SPINK7: variants seen among roughly 807,000 people sequenced by gnomAD.
SPINK7 encodes serine protease inhibitor Kazal-type 7.
SPINK7 carries 8 observed loss-of-function variants against 11.6 expected under a neutral mutation model. The ratio of observed to expected loss-of-function variants is 0.69; its 90% CI spans 0.41 to 1.25. SPINK7 has a LOEUF of 1.25. SPINK7 is among the 50% of genes most tolerant of loss of function. The pLI is 0.01. For synonymous variants in SPINK7, 38 were observed against 35.3 expected, an observed-to-expected ratio of 1.08 and a Z score of -0.27; for missense variants, 113 against 99.3, an observed-to-expected ratio of 1.14 and a Z score of -0.58.
In SPINK7 at chr5:148,313,648, T is replaced by G. The variant is rs1756891399; in HGVS notation, c.87+249T>G. The G allele has an allele frequency of 7.5e-6, 3 of 401,000 alleles. No individual in the cohort carries two copies. The Admixed American group carries it at 1.2e-4, about 16-fold the overall frequency. The allele number at this position is 401,000 out of a possible 1,614,324, so 24.8% of individuals were successfully genotyped here. On this transcript the variant is annotated intron_variant, in intron 2 of 3. Coordinates refer to ENST00000274565, the MANE Select transcript of SPINK7 (RefSeq NM_032566.3). ...CGCCTTCCAGCTGAGAAGTTGGTGA[T>G]GTTTTCATAAAAGGCATAACGTGTA...
chr5:148,312,559 G>GTCTGACCTTA lies in SPINK7; in HGVS notation c.61+15_61+16insTCTGACCTTA. 6.5e-7 allele frequency: 1 copy of GTCTGACCTTA among 1,529,470 alleles called. No homozygotes were observed. Among genetic ancestry groups the GTCTGACCTTA allele is most frequent in the Non-Finnish European group, 9.0e-7 (1 of 1,106,714 alleles). The allele number at this position is 1,529,470 out of a possible 1,614,324, so 94.7% of individuals were successfully genotyped here. A position where few individuals can be genotyped will look rare whatever the true frequency, so the allele number is the denominator to read the frequency against. On this transcript the variant is annotated intron_variant, in intron 1 of 3. Transcript: ENST00000274565. ...TAGCAGCTCAGGTAAGTTAAGGTCAGACAGTGCCCTATATAGCCATTAAGA... is the reference window on the plus strand; with the variant it reads ...TAGCAGCTCAGGTAAGTTAAGGTCAGTCTGACCTTAACAGTGCCCTATATAGCCATTAAGA...
In SPINK7 at chr5:148,315,516, A is replaced by G. The variant is rs576768445; in HGVS notation, c.213-123A>G. 93 of 562,732 alleles carry G rather than the reference A, an allele frequency of 1.7e-4. 1 individual carries two copies. Among genetic ancestry groups the G allele is most frequent in the African/African-American group, 1.5e-3 (83 of 53,874 alleles). 34.9% of individuals were successfully genotyped at this position (562,732 alleles called of 1,614,324 possible). A position where few individuals can be genotyped will look rare whatever the true frequency, so the allele number is the denominator to read the frequency against. On this transcript the variant is annotated intron_variant, in intron 3 of 3. Coordinates refer to ENST00000274565, the MANE Select transcript of SPINK7 (RefSeq NM_032566.3). ...TTGGCAAGGTCATTCATTTTCTGAG[A>G]CTCAGTTTCCTTATCTGTAAAATGA...
chr5:148,314,416 T>C, intron 3 of SPINK7, 192 bp downstream of exon 3: 1 of 618,000 alleles, frequency 1.6e-6, no homozygotes, highest in Non-Finnish European at 2.8e-6. Flanking sequence ...TCTGCCAGCT[T>C]GGACTAGTCC....
chr5:148,314,178 G>A lies in SPINK7; in HGVS notation c.166G>A (p.Asp56Asn), dbSNP rs769824570. 1 of 1,613,794 alleles carries A rather than the reference G, an allele frequency of 6.2e-7. No homozygotes were observed. Among genetic ancestry groups the A allele is most frequent in the South Asian group, 1.1e-5 (1 of 91,068 alleles). ...PITYLPVCGS[D>N]YITYGNECHL... is the part of the protein sequence containing the mutation. ...CACATACCTACCAGTTTGTGGTTCTGACTACATCACCTATGGGAATGAATG... is the reference window on the plus strand; with the variant it reads ...CACATACCTACCAGTTTGTGGTTCTAACTACATCACCTATGGGAATGAATG... Residue 56 changes from aspartate to asparagine, a missense_variant, in exon 3 of 4, where the codon GAC (aspartate) becomes AAC (asparagine). Asp to Asn is a conservative substitution (Grantham distance 23, BLOSUM62 1). Transcript: ENST00000274565.
chr5:148,315,564 A>G lies in SPINK7; in HGVS notation c.213-75A>G, dbSNP rs149560272. 4.4e-3 allele frequency: 3,843 copies of G among 866,444 alleles called. 18 individuals are homozygous for G. The highest frequency in any genetic ancestry group is 5.3e-3 in the Admixed American group (298 of 56,314). 53.7% of individuals were successfully genotyped at this position (866,444 alleles called of 1,614,324 possible). A position where few individuals can be genotyped will look rare whatever the true frequency, so the allele number is the denominator to read the frequency against. On this transcript the variant is annotated intron_variant, in intron 3 of 3. Transcript: ENST00000274565. ...TGAGGTGCTGCCTCATAATCTCTAT[A>G]GTTCCTTTCAGCTCTAACATTACAT...
rs550841226 is a variant in SPINK7 at position 148,312,473 on chromosome 5, C to T, written c.-11C>T. The T allele has an allele frequency of 1.9e-5, 30 of 1,600,004 alleles. No homozygotes were observed. In the East Asian group the frequency reaches 6.5e-4, roughly 35 times the overall value. Reference sequence around the variant, plus strand: ...TCTCAGAGCAGCTTCTACACCACAGCCATTTCCAGCATGAAGATCACTGGG... The same window carrying T: ...TCTCAGAGCAGCTTCTACACCACAGTCATTTCCAGCATGAAGATCACTGGG... On this transcript the variant is annotated 5_prime_UTR_variant, in exon 1 of 4. Transcript: ENST00000274565.
chr5:148,315,351 C>T (rs1285099646), intron 3 of SPINK7, among the ~76,000 whole-genome samples: 1 of 152,086 alleles, frequency 6.6e-6, no homozygotes, highest in Non-Finnish European at 1.5e-5. Flanking sequence ...CAGGCCCTCT[C>T]AATTTTGTCA....
intron 1 of SPINK7, among the ~76,000 whole-genome samples, 173 bp downstream of exon 1, chr5:148,312,717 T>G (rs1407586387): frequency 6.6e-6 from 1 of 152,106 alleles, no homozygotes; most frequent in Admixed American, 6.6e-5. Context: ...TCCAATGTCT[T>G]CACTTTCAAG....
In SPINK7 at chr5:148,315,877, AT is replaced by A. The variant is rs11355957; in HGVS notation, c.*203del. On this transcript the variant is annotated 3_prime_UTR_variant, in exon 4 of 4. Coordinates refer to ENST00000274565, the MANE Select transcript of SPINK7 (RefSeq NM_032566.3). ...ACCCATGCCTCACTGACAGACCAGC[AT>A]TTTTTTTTTAACACGTCAATAAAAA... is the stretch of plus-strand genomic sequence containing the variant. 3,631 of 358,698 alleles carry A rather than the reference AT, an allele frequency of 0.01. 73 individuals are homozygous for A. The highest frequency in any genetic ancestry group is 0.073 in the East Asian group (1,805 of 24,840). The allele number at this position is 358,698 out of a possible 1,614,324, so 22.2% of individuals were successfully genotyped here.
chr5:148,315,517 C>T (rs991536899), intron 3 of SPINK7, 122 bp from the exon 4 acceptor site: 1 of 565,912 alleles, frequency 1.8e-6, no homozygotes, highest in African/African-American at 1.9e-5. Context: ...TTTTCTGAGA[C>T]TCAGTTTCCT....
intron 3 of SPINK7, among the ~76,000 whole-genome samples, chr5:148,315,196 A>G (rs916604321): frequency 7.9e-5 from 12 of 152,264 alleles, no homozygotes; most frequent in Non-Finnish European, 1.3e-4. Context: ...AAAATTCTGT[A>G]ACATAGGCAG....
At chr5:148,313,935 C>A (rs532198419) in intron 2 of SPINK7, 165 bp from the exon 3 acceptor site, 3 of 771,128 alleles carry the variant, frequency 3.9e-6, no homozygotes, top group African/African-American at 1.7e-5. Context: ...AAATAGAATA[C>A]CAGTAGTGCT....
In SPINK7 at chr5:148,312,501, T is replaced by G; in HGVS notation, c.18T>G (p.Gly6=). 1 of 1,612,086 alleles carries G rather than the reference T, an allele frequency of 6.2e-7. No individual in the cohort carries two copies. The highest frequency in any genetic ancestry group is 8.5e-7 in the Non-Finnish European group (1 of 1,178,366). ...TTTCCAGCATGAAGATCACTGGGGGTCTCCTTCTGCTCTGTACAGTGGTCT... is the reference window on the plus strand; with the variant it reads ...TTTCCAGCATGAAGATCACTGGGGGGCTCCTTCTGCTCTGTACAGTGGTCT... MKITG[G]LLLLCTVVYF... The change falls in exon 1 of 4, where the codon GGT becomes GGG. Residue 6 remains glycine (G), a synonymous_variant. Transcript: ENST00000274565.
chr5:148,315,583 A>G (rs1756920827), intron 3 of SPINK7, 56 bp from the exon 4 acceptor site: 1 of 1,070,006 alleles, frequency 9.3e-7, no homozygotes, highest in Admixed American at 1.7e-5. Context: ...CAGCTCTAAC[A>G]TTACATAAAA....
intron 3 of SPINK7, 110 bp downstream of exon 3, chr5:148,314,334 A>C (rs1756902969): frequency 2.4e-6 from 3 of 1,275,304 alleles, no homozygotes; most frequent in Admixed American, 2.0e-5. Context: ...ATTTATAATT[A>C]TTCCCACCCA....
intron 3 of SPINK7, among the ~76,000 whole-genome samples, chr5:148,315,292 C>T (rs1756914581): frequency 6.6e-6 from 1 of 152,112 alleles, no homozygotes; most frequent in Non-Finnish European, 1.5e-5. Context: ...CTCACTAATG[C>T]AGGATCCAGC....
At chr5:148,312,710 A>T (rs1175735623) in intron 1 of SPINK7, among the ~76,000 whole-genome samples, 166 bp downstream of exon 1, 1 of 152,084 alleles carries the variant, frequency 6.6e-6, no homozygotes, top group East Asian at 1.9e-4. Context: ...ACTTGAGTCC[A>T]ATGTCTTCAC....
chr5:148,314,077 A>G, intron 2 of SPINK7, 23 bp from the exon 3 acceptor site: 1 of 1,613,598 alleles, frequency 6.2e-7, no homozygotes, highest in Non-Finnish European at 8.5e-7. Flanking sequence ...GAAAAACAGG[A>G]CATTTGCTTG....
chr5:148,312,520 G>A lies in SPINK7; in HGVS notation c.37G>A (p.Val13Met). The change falls in exon 1 of 4, where the codon GTG (valine) becomes ATG (methionine). Residue 13 changes from valine to methionine, a missense_variant. Transcript: ENST00000274565. ...TGGGGGTCTCCTTCTGCTCTGTACAGTGGTCTATTTCTGTAGCAGCTCAGG... is the reference window on the plus strand; with the variant it reads ...TGGGGGTCTCCTTCTGCTCTGTACAATGGTCTATTTCTGTAGCAGCTCAGG... ...ITGGLLLLCTVVYFCSSSEAA... is the reference protein window; with the variant it reads ...ITGGLLLLCTMVYFCSSSEAA... The A allele has an allele frequency of 6.2e-7, 1 of 1,611,144 alleles. No individual in the cohort carries two copies. Among genetic ancestry groups the A allele is most frequent in the Non-Finnish European group, 8.5e-7 (1 of 1,177,880 alleles).
Sources: gnomAD v4.1 joint callset for allele counts (sites outside exome capture counted in the v4.1 genomes callset) on GRCh38, gnomAD v4.1.1 for gene constraint, MANE v1.5 for transcripts, NCBI Gene and HGNC (gene_info 2026-07-23, HGNC 2026-07-21) for gene names.